The following PTH2R variants were observed in gnomAD, a reference collection of about 807,000 sequenced individuals.
The protein encoded by PTH2R is PTH2 receptor.
A neutral mutation model predicts 60.3 loss-of-function variants in PTH2R; 59 were observed. The ratio of observed to expected loss-of-function variants is 0.98; its 90% CI spans 0.79 to 1.22. PTH2R has a LOEUF of 1.22. PTH2R is among the 50% of genes most tolerant of loss of function. The probability of loss-of-function intolerance (pLI) is 0.00; values close to 1 mark genes in which losing one functional copy is unlikely to be tolerated. For missense variants in PTH2R, 749 were observed against 682.6 expected (o/e 1.10, Z -1.08); for synonymous variants, 256 against 243.8 (o/e 1.05, Z -0.47).
chr2:208,406,771 G>T (rs116725757), upstream of PTH2R: 3,293 of 325,562 alleles, frequency 0.01, 102 homozygotes, highest in African/African-American at 0.064. Context: ...CGCAGGCGGC[G>T]CGGGGCTGCG....
At chr2:208,481,223 T>C in intron 10 of PTH2R, 59 bp downstream of exon 10, 1 of 860,030 alleles carries the variant, frequency 1.2e-6, no homozygotes, top group Non-Finnish European at 1.7e-6. Flanking sequence ...TCTTTCCTTT[T>C]TTTTTTTTTT....
At chr2:208,493,166 A>T in intron 12 of PTH2R, 98 bp from the exon 13 acceptor site, 1 of 1,275,064 alleles carries the variant, frequency 7.8e-7, no homozygotes, top group Non-Finnish European at 1.0e-6. Flanking sequence ...TCAATCAATG[A>T]TTATTGCTGT....
chr2:208,393,507 C>T (rs988831908), intron 1 of PTH2R, among the ~76,000 whole-genome samples: 2 of 152,198 alleles, frequency 1.3e-5, no homozygotes, highest in Non-Finnish European at 1.5e-5. Flanking sequence ...GGGTTGTCTA[C>T]TGGAACTGCT....
At chr2:208,464,456 GAAAGC>G (rs902752539) in intron 9 of PTH2R, among the ~76,000 whole-genome samples, 7 of 152,186 alleles carry the variant, frequency 4.6e-5, no homozygotes, top group African/African-American at 1.7e-4. Context: ...TAAAGACAGG[GAAAGC>G]TCTGCCACAC....
At chr2:208,439,979 C>G (rs1702150142) in intron 4 of PTH2R, among the ~76,000 whole-genome samples, 2 of 152,110 alleles carry the variant, frequency 1.3e-5, no homozygotes, top group Admixed American at 1.3e-4. Context: ...TAATGAAGAA[C>G]TGGTTAAATA....
At chr2:208,368,670 A>G (rs1285718234) in intron 1 of PTH2R, among the ~76,000 whole-genome samples, 2 of 152,216 alleles carry the variant, frequency 1.3e-5, no homozygotes, top group Non-Finnish European at 2.9e-5. Context: ...GTTCCTACCA[A>G]TGTAAATATA....
chr2:208,477,704 T>G (rs867942699), intron 9 of PTH2R, among the ~76,000 whole-genome samples: 20 of 152,058 alleles, frequency 1.3e-4, no homozygotes, highest in African/African-American at 3.4e-4. Flanking sequence ...TGTTATTGGC[T>G]TTAATGTTTA....
intron 9 of PTH2R, chr2:208,469,957 G>A (rs1702845567): frequency 6.6e-6 from 1 of 152,422 alleles, no homozygotes; most frequent in Middle Eastern, 3.4e-3. Context: ...GGAAAGGTGA[G>A]ATTGGTTGAG....
At chr2:208,478,593 G>A (rs1703073587) in intron 9 of PTH2R, among the ~76,000 whole-genome samples, 1 of 152,056 alleles carries the variant, frequency 6.6e-6, no homozygotes, top group Non-Finnish European at 1.5e-5. Flanking sequence ...TTCTTGCTTT[G>A]TCAGATCTAC....
chr2:208,402,170 T>C (rs10194427), upstream of PTH2R, among the ~76,000 whole-genome samples: 1,350 of 152,258 alleles, frequency 8.9e-3, 25 homozygotes, highest in African/African-American at 0.031. Flanking sequence ...TGGTGTGCTT[T>C]TGCCATTCAA....
chr2:208,474,130 A>G (rs1483170532), intron 9 of PTH2R, among the ~76,000 whole-genome samples: 1 of 152,222 alleles, frequency 6.6e-6, no homozygotes, highest in Non-Finnish European at 1.5e-5. Flanking sequence ...ACTATGATTT[A>G]GCCCCTTTTA....
At chr2:208,447,190 T>C (rs1043553712) in intron 7 of PTH2R, among the ~76,000 whole-genome samples, 3 of 152,162 alleles carry the variant, frequency 2.0e-5, no homozygotes, top group Non-Finnish European at 4.4e-5. Flanking sequence ...CAGGCTGGTC[T>C]TGAACCCCTG....
chr2:208,373,081 G>A (rs1006201539), intron 1 of PTH2R, among the ~76,000 whole-genome samples: 2 of 151,950 alleles, frequency 1.3e-5, no homozygotes, highest in South Asian at 2.1e-4. Flanking sequence ...GTGAGACCCC[G>A]TCTCAAATAA....
At chr2:208,388,664 T>C (rs1464623701) in intron 1 of PTH2R, among the ~76,000 whole-genome samples, 1 of 152,200 alleles carries the variant, frequency 6.6e-6, no homozygotes, top group Non-Finnish European at 1.5e-5. Flanking sequence ...TACTCTAGAA[T>C]AGACATGTTG....
chr2:208,369,771 G>A (rs1039356200), intron 1 of PTH2R, among the ~76,000 whole-genome samples: 2 of 152,032 alleles, frequency 1.3e-5, no homozygotes, highest in Non-Finnish European at 2.9e-5. Context: ...CACTTTGAAT[G>A]CTAGCCACAT....
intron 1 of PTH2R, among the ~76,000 whole-genome samples, chr2:208,385,921 A>G (rs748207736): frequency 2.0e-5 from 3 of 152,252 alleles, no homozygotes; most frequent in Non-Finnish European, 4.4e-5. Flanking sequence ...TGAAACATAT[A>G]AAGATATTGT....
At chr2:208,490,500 C>G (rs1703378169) in intron 11 of PTH2R, 139 bp from the exon 12 acceptor site, 1 of 703,120 alleles carries the variant, frequency 1.4e-6, no homozygotes, top group South Asian at 2.2e-5. Flanking sequence ...TTTGGAAACA[C>G]TAGGAGAGAA....
intron 1 of PTH2R, among the ~76,000 whole-genome samples, chr2:208,395,848 G>C (rs1321645277): frequency 6.6e-6 from 1 of 152,168 alleles, no homozygotes; most frequent in Non-Finnish European, 1.5e-5. Flanking sequence ...AGCCCATATA[G>C]GCAAGACAAT....
intron 1 of PTH2R, 120 bp downstream of exon 1, chr2:208,407,238 C>T: frequency 2.4e-6 from 2 of 831,476 alleles, no homozygotes; most frequent in Non-Finnish European, 3.4e-6. Context: ...CCACAAACGC[C>T]CCGGCACGCA....
Sources: allele counts gnomAD v4.1 joint callset (sites outside exome capture counted in the v4.1 genomes callset), GRCh38; gene constraint gnomAD v4.1.1; transcripts MANE v1.5; gene names NCBI Gene and HGNC (gene_info 2026-07-23, HGNC 2026-07-21).